ZNF516: variants seen among roughly 807,000 people sequenced by gnomAD.
ZNF516 encodes zinc finger protein 516.
In ZNF516, 19 loss-of-function variants were observed where a neutral mutation model predicts 79.7. The ratio of observed to expected loss-of-function variants is 0.24; its 90% CI spans 0.17 to 0.35. ZNF516 has a LOEUF of 0.35. ZNF516 is among the 10% of genes least tolerant of loss of function. The pLI, the probability that ZNF516 is intolerant of heterozygous loss-of-function variation, is 1.00. For missense variants in ZNF516, 1,678 were observed against 1,679.5 expected (o/e 1.00, Z 0.02); for synonymous variants, 877 against 739.5 (o/e 1.19, Z -3.02).
rs2075702712 is a variant in ZNF516 at position 76,434,354 on chromosome 18, C to CT, written c.1810+6890dup. Among the ~76,000 whole-genome samples the CT allele has an allele frequency of 5.3e-5, 8 of 152,316 alleles. No individual in the cohort carries two copies. The South Asian group carries it at 1.7e-3, about 32-fold the overall frequency. On this transcript the variant is annotated intron_variant, in intron 3 of 6. Transcript: ENST00000443185. ...CTGAAAGTCGTATCCAGCACTACCCCTCCTGCAGACTGGAAAATGCCAAAT... is the reference window on the plus strand; with the variant it reads ...CTGAAAGTCGTATCCAGCACTACCCCTTCCTGCAGACTGGAAAATGCCAAAT...
In ZNF516 at chr18:76,379,778, T is replaced by C. The variant is rs747951622; in HGVS notation, c.2336A>G (p.Lys779Arg). The C allele has an allele frequency of 1.2e-6, 2 of 1,613,898 alleles. No homozygotes were observed. The highest frequency in any genetic ancestry group is 1.7e-5 in the Admixed American group (1 of 60,008). Residue 779 changes from lysine (K) to arginine (R), a missense_variant, in exon 4 of 7, where the codon AAA (lysine) becomes AGA (arginine). By Grantham distance (26) the Lys-to-Arg change is conservative. Around this residue, in one of 5 missense-constraint regions of ZNF516, gnomAD observed 1,294 missense variants for 1,248.3 expected, o/e 1.04. Transcript: ENST00000443185. ...GCAGCTGACGCGGTGCCAGATGCGTTTGTGCATCCACAGGACCTCGGGGTA... is the reference window on the plus strand; with the variant it reads ...GCAGCTGACGCGGTGCCAGATGCGTCTGTGCATCCACAGGACCTCGGGGTA... ...TYYPEVLWMH[K>R]RIWHRVSCNS...
chr18:76,400,702 T>A (rs2075207440), intron 3 of ZNF516, among the ~76,000 whole-genome samples: 1 of 152,210 alleles, frequency 6.6e-6, no homozygotes, highest in Non-Finnish European at 1.5e-5. Context: ...TACACATATA[T>A]AAACAAATGT....
At chr18:76,455,800 G>A (rs1912687735) in intron 2 of ZNF516, among the ~76,000 whole-genome samples, 1 of 152,218 alleles carries the variant, frequency 6.6e-6, no homozygotes, top group Non-Finnish European at 1.5e-5. Flanking sequence ...AGCTCTCCAT[G>A]CACAAACCTC....
intron 1 of ZNF516, among the ~76,000 whole-genome samples, chr18:76,473,755 T>C (rs546586406): frequency 1.3e-5 from 2 of 151,072 alleles, no homozygotes; most frequent in Non-Finnish European, 2.9e-5. Context: ...GAGCTGAGAT[T>C]GCACCACTGC....
chr18:76,414,961 G>A (rs984857293), intron 3 of ZNF516, among the ~76,000 whole-genome samples: 1 of 151,870 alleles, frequency 6.6e-6, no homozygotes, highest in Non-Finnish European at 1.5e-5. Context: ...ACTTTGGGAG[G>A]CCGAGGTGGG....
chr18:76,491,754 G>C (rs572969356), intron 1 of ZNF516: 4 of 144,120 alleles, frequency 2.8e-5, no homozygotes, highest in African/African-American at 1.0e-4. Context: ...CCCGGCCCCT[G>C]GCCGCGCGTG....
chr18:76,478,839 T>C (rs758244020), intron 1 of ZNF516, among the ~76,000 whole-genome samples: 2 of 152,130 alleles, frequency 1.3e-5, no homozygotes, highest in Non-Finnish European at 2.9e-5. Flanking sequence ...GCAGATCCCT[T>C]GAGGTCAGGA....
chr18:76,410,298 T>C (rs2075359078), intron 3 of ZNF516, among the ~76,000 whole-genome samples: 1 of 152,230 alleles, frequency 6.6e-6, no homozygotes, highest in Non-Finnish European at 1.5e-5. Flanking sequence ...TGAGAGCTTC[T>C]TGATAGAGCT....
chr18:76,467,780 C>T lies in ZNF516; in HGVS notation c.-271-4639G>A, dbSNP rs116138408. Among the ~76,000 whole-genome samples, 282 of 152,354 alleles carry T rather than the reference C, an allele frequency of 1.9e-3. 1 individual carries two copies. Among genetic ancestry groups the T allele is most frequent in the African/African-American group, 6.5e-3 (270 of 41,578 alleles). ...GGCATGTTCAAACTGTAAGCCCGTT[C>T]GATTCCTGAGTTATTTTTACCAAAT... is the stretch of plus-strand genomic sequence containing the variant. On this transcript the variant is annotated intron_variant, in intron 1 of 6. Transcript: ENST00000443185. The surrounding 1 kb of genome is among the most constrained non-coding windows in gnomAD (Gnocchi z 4.2).
intron 1 of ZNF516, chr18:76,492,693 AC>A (rs1915304464): frequency 2.0e-6 from 2 of 982,802 alleles, no homozygotes; most frequent in Non-Finnish European, 2.4e-6. Context: ...GAGAAACCGC[AC>A]GTTTCGAGTC....
intron 3 of ZNF516, 125 bp downstream of exon 3, chr18:76,441,120 C>T: frequency 2.9e-6 from 4 of 1,365,412 alleles, no homozygotes; most frequent in Non-Finnish European, 3.9e-6. Context: ...ATAGGCCTAG[C>T]TGAGTAAAGG....
intron 3 of ZNF516, among the ~76,000 whole-genome samples, chr18:76,409,948 A>T (rs564086225): frequency 2.6e-5 from 4 of 152,266 alleles, no homozygotes; most frequent in Non-Finnish European, 4.4e-5. Flanking sequence ...CACTGTTCTC[A>T]TGGTAGTAAG....
intron 6 of ZNF516, among the ~76,000 whole-genome samples, chr18:76,366,040 A>G (rs567472439): frequency 3.3e-4 from 51 of 152,334 alleles, no homozygotes; most frequent in Non-Finnish European, 6.6e-4. Flanking sequence ...GTATGTGTAT[A>G]TAACATGGAA....
Position 76,442,032 on chromosome 18 carries a change from C to T in ZNF516, c.1023G>A (p.Gly341=), listed in dbSNP as rs773910415. 3 of 1,613,940 alleles carry T rather than the reference C, an allele frequency of 1.9e-6. No homozygotes were observed. The highest frequency in any genetic ancestry group is 2.2e-5 in the East Asian group (1 of 44,884). ...LSLYEVCAKC[G]NLFTNLDSLN... ...AGCTGTCCAGGTTTGTAAACAGGTT[C>T]CCGCACTTGGCGCAGACCTCGTAGA... is the stretch of plus-strand genomic sequence containing the variant. Residue 341 remains glycine (G), a synonymous_variant, in exon 3 of 7, where the codon GGG becomes GGA. Coordinates refer to ENST00000443185, the MANE Select transcript of ZNF516 (RefSeq NM_014643.4).
chr18:76,441,996 G>A lies in ZNF516; in HGVS notation c.1059C>T (p.His353=), dbSNP rs576315973. 1.1e-5 allele frequency: 18 copies of A among 1,613,512 alleles called. No homozygotes were observed. The East Asian group carries it at 1.6e-4, about 14-fold the overall frequency. Residue 353 remains histidine, a synonymous_variant, in exon 3 of 7, where the codon CAC becomes CAT. Transcript: ENST00000443185. ...CCTCGACTCTGCGGTGGATGGCATT[G>A]TGGGCGTTCAAGCTGTCCAGGTTTG... ...LFTNLDSLNA[H]NAIHRRVEAS... is the part of the protein sequence containing the mutation.
chr18:76,467,082 G>C lies in ZNF516; in HGVS notation c.-271-3941C>G, dbSNP rs546051536. Among the ~76,000 whole-genome samples, 85 of 152,192 alleles carry C rather than the reference G, an allele frequency of 5.6e-4. No individual in the cohort carries two copies. The highest frequency in any genetic ancestry group is 2.0e-3 in the African/African-American group (84 of 41,526). On this transcript the variant is annotated intron_variant, in intron 1 of 6. Coordinates refer to ENST00000443185, the MANE Select transcript of ZNF516 (RefSeq NM_014643.4). The surrounding 1 kb of genome is among the most constrained non-coding windows in gnomAD (Gnocchi z 4.2). Reference sequence around the variant, plus strand: ...ATCAGGCAGAGGCAGCCGTGGCCTCGCTGAACCTGCAGCTGACAGCCCCTC... The same window carrying C: ...ATCAGGCAGAGGCAGCCGTGGCCTCCCTGAACCTGCAGCTGACAGCCCCTC...
chr18:76,460,799 G>A (rs532736152), intron 2 of ZNF516, among the ~76,000 whole-genome samples: 10 of 152,272 alleles, frequency 6.6e-5, no homozygotes, highest in South Asian at 2.1e-4. Context: ...CTCCCAAACC[G>A]GAGAAGCCAT....
intron 2 of ZNF516, among the ~76,000 whole-genome samples, chr18:76,446,071 TCCCAGCCC>T (rs764896305): frequency 0.036 from 5,421 of 152,274 alleles, 225 homozygotes; most frequent in East Asian, 0.13. Context: ...GGAACCCTGG[TCCCAGCCC>T]TCATGCTCCC....
chr18:76,440,550 G>A (rs1206012503), intron 3 of ZNF516, among the ~76,000 whole-genome samples: 1 of 152,194 alleles, frequency 6.6e-6, no homozygotes, highest in Admixed American at 6.6e-5. Context: ...TAGAAAGTAG[G>A]AGAATTATGA....
Sources: gnomAD v4.1 joint callset for allele counts (sites outside exome capture counted in the v4.1 genomes callset) on GRCh38, gnomAD v4.1.1 for gene constraint, gnomAD v4.1.1 regional missense constraint, Gnocchi (gnomAD v3.1) non-coding constraint, MANE v1.5 for transcripts, NCBI Gene and HGNC (gene_info 2026-07-23, HGNC 2026-07-21) for gene names.